Variants in KIAA1217 observed in about 807,000 individuals in gnomAD.
The protein encoded by KIAA1217 is KIAA1217.
In KIAA1217, 88 loss-of-function variants were observed where a neutral mutation model predicts 163.9. That is an observed-to-expected ratio of 0.54 (90% CI 0.45 to 0.64). KIAA1217 has a LOEUF of 0.64. KIAA1217 is among the 30% of genes least tolerant of loss of function. The pLI is 0.00. For synonymous variants in KIAA1217, 903 were observed against 923.1 expected (o/e 0.98, Z 0.39); for missense variants, 2,372 against 2,475.0 (o/e 0.96, Z 0.88).
At chr10:24,109,131 A>G (rs1008969989) in intron 2 of KIAA1217, among the ~76,000 whole-genome samples, 2 of 152,162 alleles carry the variant, frequency 1.3e-5, no homozygotes, top group African/African-American at 4.8e-5. Context: ...GTGCCTGGCC[A>G]AGACTGGGTA....
At chr10:23,967,596 A>G (rs1389607572) in intron 1 of KIAA1217, among the ~76,000 whole-genome samples, 1 of 152,210 alleles carries the variant, frequency 6.6e-6, no homozygotes, top group Non-Finnish European at 1.5e-5. Flanking sequence ...AGTATTGCCA[A>G]AGATGTGGGG....
At chr10:23,955,209 T>C (rs1844509265) in intron 1 of KIAA1217, among the ~76,000 whole-genome samples, 1 of 152,184 alleles carries the variant, frequency 6.6e-6, no homozygotes, top group African/African-American at 2.4e-5. Context: ...ACCAAGTGAC[T>C]GGCTCCAGAG....
chr10:23,883,830 A>G (rs547388689), intron 1 of KIAA1217, among the ~76,000 whole-genome samples: 69 of 152,014 alleles, frequency 4.5e-4, no homozygotes, highest in Non-Finnish European at 8.2e-4. Context: ...TACTGTCTCC[A>G]TAGTTCTGCC....
intron 1 of KIAA1217, among the ~76,000 whole-genome samples, chr10:23,905,996 G>A (rs182295327): frequency 5.1e-4 from 77 of 152,194 alleles, no homozygotes; most frequent in African/African-American, 1.7e-3. Flanking sequence ...TGAGTGACTG[G>A]TGAGGGCCCC....
intron 15 of KIAA1217, 97 bp from the exon 16 acceptor site, chr10:24,532,973 C>A: frequency 9.6e-7 from 1 of 1,038,226 alleles, no homozygotes; most frequent in South Asian, 2.8e-5. Context: ...ATCTAGGAAG[C>A]AAGTGTTCTA....
intron 14 of KIAA1217, among the ~76,000 whole-genome samples, chr10:24,531,140 G>A (rs1338680504): frequency 1.3e-5 from 2 of 152,192 alleles, no homozygotes; most frequent in African/African-American, 4.8e-5. Context: ...CGGAGGCTGA[G>A]GCCTCAGTGA....
In KIAA1217 at chr10:24,473,362, G is replaced by C. The variant is rs61735605; in HGVS notation, c.981G>C (p.Pro327=). The change falls in exon 6 of 21, where the codon CCG becomes CCC. Residue 327 remains proline, a synonymous_variant. Coordinates refer to ENST00000376454, the MANE Select transcript of KIAA1217 (RefSeq NM_019590.5). ...TPVPHSMPPS[P]SRIPYGGTRS... ...TGCCCCATTCCATGCCCCCCTCCCC[G>C]TCCAGAATTCCTTATGGGGGCACCC... 1.9e-6 allele frequency: 3 copies of C among 1,605,394 alleles called. No individual in the cohort carries two copies. In the East Asian group the frequency reaches 6.7e-5, roughly 36 times the overall value.
intron 1 of KIAA1217, among the ~76,000 whole-genome samples, chr10:23,765,431 C>G (rs571117008): frequency 6.6e-6 from 1 of 152,120 alleles, no homozygotes; most frequent in Admixed American, 6.5e-5. Context: ...CCTCGGCCTC[C>G]CAAAGTGCTG....
chr10:24,211,298 AC>A (rs1180845701), intron 1 of KIAA1217, among the ~76,000 whole-genome samples: 2 of 151,304 alleles, frequency 1.3e-5, no homozygotes, highest in African/African-American at 2.4e-5. Flanking sequence ...GGCCCATGAA[AC>A]CATTGTAAGG....
At chr10:24,203,517 G>A (rs2067378483) in intron 2 of KIAA1217, among the ~76,000 whole-genome samples, 1 of 152,042 alleles carries the variant, frequency 6.6e-6, no homozygotes, top group South Asian at 2.1e-4. Context: ...CCTAGTTTTG[G>A]CAACTTGATT....
At chr10:23,950,559 A>C (rs1401701647) in intron 1 of KIAA1217, among the ~76,000 whole-genome samples, 2 of 152,132 alleles carry the variant, frequency 1.3e-5, no homozygotes, top group African/African-American at 4.8e-5. Flanking sequence ...TACTGGCTTT[A>C]TCTCAAATAA....
chr10:24,183,984 A>T (rs868860583), intron 2 of KIAA1217, among the ~76,000 whole-genome samples: 1 of 152,132 alleles, frequency 6.6e-6, no homozygotes. Flanking sequence ...ACAAAAACAT[A>T]TCTCCCCTGA....
At chr10:24,269,229 A>G (rs1178167660) in intron 2 of KIAA1217, among the ~76,000 whole-genome samples, 7 of 151,254 alleles carry the variant, frequency 4.6e-5, no homozygotes, top group African/African-American at 1.7e-4. Context: ...AAAAAAAAAA[A>G]AAAAGGATTG....
intron 3 of KIAA1217, among the ~76,000 whole-genome samples, chr10:24,416,408 C>A (rs1222783987): frequency 6.6e-6 from 1 of 152,164 alleles, no homozygotes; most frequent in East Asian, 1.9e-4. Flanking sequence ...AACTTGAATG[C>A]CAAAAGGCAG....
intron 2 of KIAA1217, among the ~76,000 whole-genome samples, chr10:24,319,095 G>A (rs1184014082): frequency 6.6e-6 from 1 of 152,038 alleles, no homozygotes; most frequent in Non-Finnish European, 1.5e-5. Flanking sequence ...AAGCGCTTTG[G>A]GGCCGGGCGT....
At chr10:24,040,186 G>A (rs964426758) in intron 2 of KIAA1217, among the ~76,000 whole-genome samples, 5 of 152,094 alleles carry the variant, frequency 3.3e-5, no homozygotes, top group African/African-American at 2.4e-5. Flanking sequence ...ATTTGTATCC[G>A]CCAGGGTCCA....
At position 23,838,727 on chromosome 10, in the gene KIAA1217, T is replaced by C. The variant is rs148491244; in HGVS notation, c.-321+143493T>C. 4.8e-3 allele frequency among the ~76,000 whole-genome samples: 734 copies of C among 152,292 alleles called. 10 individuals carry two copies. Among genetic ancestry groups the C allele is most frequent in the African/African-American group, 0.016 (664 of 41,574 alleles). ...CCACCCACCTGAGCCTCCCAAAGTG[T>C]TGGGATAACAGGCGTGAACCAGCAC... is the stretch of plus-strand genomic sequence containing the variant. On this transcript the variant is annotated intron_variant, in intron 1 of 18. Transcript: ENST00000376462.
intron 1 of KIAA1217, among the ~76,000 whole-genome samples, chr10:23,916,320 C>G (rs943294788): frequency 1.3e-5 from 2 of 152,178 alleles, no homozygotes; most frequent in Non-Finnish European, 1.5e-5. Context: ...TGAATTTGCA[C>G]TCTATTGTTC....
At chr10:23,781,239 A>G (rs1022757421) in intron 1 of KIAA1217, among the ~76,000 whole-genome samples, 2 of 152,192 alleles carry the variant, frequency 1.3e-5, no homozygotes, top group African/African-American at 4.8e-5. Flanking sequence ...AACAATGTAC[A>G]AGGTTTCCCT....
Sources: gnomAD v4.1 joint callset for allele counts (sites outside exome capture counted in the v4.1 genomes callset) on GRCh38, gnomAD v4.1.1 for gene constraint, MANE v1.5 for transcripts, NCBI Gene and HGNC (gene_info 2026-07-23, HGNC 2026-07-21) for gene names.